Variants in KCNJ6 observed in about 807,000 individuals in gnomAD.
KCNJ6 encodes potassium inwardly rectifying channel subfamily J member 6, also known as G protein-activated inward rectifier potassium channel 2.
A neutral mutation model predicts 34.2 loss-of-function variants in KCNJ6; 9 were observed. The ratio of observed to expected loss-of-function variants is 0.26; its 90% CI spans 0.16 to 0.46. The LOEUF is 0.46. KCNJ6 is among the 20% of genes least tolerant of loss of function. The pLI, the probability that KCNJ6 is intolerant of heterozygous loss-of-function variation, is 1.00. For missense variants in KCNJ6, 236 were observed against 531.3 expected (o/e 0.44, Z 5.46); for synonymous variants, 196 against 207.1 (o/e 0.95, Z 0.46).
rs547944719 is a variant in KCNJ6 at position 37,612,396 on chromosome 21, G to A, written c.*12763C>T. The A allele has an allele frequency of 5.9e-5, 9 of 152,242 alleles. No homozygotes were observed. In the East Asian group the frequency reaches 1.7e-3, roughly 29 times the overall value. 9.4% of individuals were successfully genotyped at this position (152,242 alleles called of 1,614,324 possible). ...TACAGAGATATTCCATTTCATGGAG[G>A]GACTCAATATTGTCAAGATGTCACT... On this transcript the variant is annotated 3_prime_UTR_variant, in exon 4 of 4. Coordinates refer to ENST00000609713, the MANE Select transcript of KCNJ6 (RefSeq NM_002240.5).
At chr21:37,659,529 G>A (rs1014572797) in intron 3 of KCNJ6, among the ~76,000 whole-genome samples, 7 of 152,324 alleles carry the variant, frequency 4.6e-5, no homozygotes, top group African/African-American at 9.6e-5. Context: ...AAAGAAGAGC[G>A]GAAAACTAAA....
intron 3 of KCNJ6, among the ~76,000 whole-genome samples, chr21:37,679,537 C>T (rs565836439): frequency 6.6e-6 from 1 of 152,196 alleles, no homozygotes; most frequent in African/African-American, 2.4e-5. Context: ...TTAGTTATAA[C>T]TACTGTTATT....
intron 2 of KCNJ6, among the ~76,000 whole-genome samples, chr21:37,795,774 G>T (rs904730935): frequency 1.3e-5 from 2 of 150,576 alleles, no homozygotes; most frequent in South Asian, 4.2e-4. Flanking sequence ...CACATAGAAT[G>T]CAACCACATT....
rs1453653635 is a variant in KCNJ6 at position 37,675,355 on chromosome 21, C to T, written c.946+38856G>A. ...ATTTTTCCGCGAGTGGCTGCATTGG[C>T]TTTAAGAAACTGCGCCGGGCTGGGC... On this transcript the variant is annotated intron_variant, in intron 3 of 3. Coordinates refer to ENST00000609713, the MANE Select transcript of KCNJ6 (RefSeq NM_002240.5). The surrounding 1 kb of genome is among the most constrained non-coding windows in gnomAD (Gnocchi z 4.2). Among the ~76,000 whole-genome samples, 4 of 152,246 alleles carry T rather than the reference C, an allele frequency of 2.6e-5. No homozygotes were observed. Among genetic ancestry groups the T allele is most frequent in the African/African-American group, 9.6e-5 (4 of 41,466 alleles).
At chr21:37,914,669 G>T (rs1340211042) in intron 1 of KCNJ6, among the ~76,000 whole-genome samples, 2 of 152,210 alleles carry the variant, frequency 1.3e-5, no homozygotes, top group African/African-American at 4.8e-5. Flanking sequence ...CAAAATGGGC[G>T]AAGCTCAGTT....
chr21:37,775,298 G>T (rs1304422397), intron 2 of KCNJ6, among the ~76,000 whole-genome samples: 1 of 152,154 alleles, frequency 6.6e-6, no homozygotes, highest in African/African-American at 2.4e-5. Context: ...CATTCTGTAG[G>T]TTGCCTATTC....
chr21:37,683,156 A>G (rs1329120315), intron 3 of KCNJ6, among the ~76,000 whole-genome samples: 1 of 152,222 alleles, frequency 6.6e-6, no homozygotes, highest in East Asian at 1.9e-4. Flanking sequence ...TTCTTCAGCT[A>G]TGTATTCCCA....
intron 1 of KCNJ6, among the ~76,000 whole-genome samples, chr21:37,854,368 A>G (rs1456590451): frequency 6.6e-6 from 1 of 152,198 alleles, no homozygotes; most frequent in Non-Finnish European, 1.5e-5. Flanking sequence ...TAAATAATGG[A>G]GAATATTACG....
At chr21:37,807,888 A>C (rs2123538723) in intron 2 of KCNJ6, among the ~76,000 whole-genome samples, 1 of 152,258 alleles carries the variant, frequency 6.6e-6, no homozygotes, top group African/African-American at 2.4e-5. Context: ...AGTAGCCTGC[A>C]CCTCCATGTA....
intron 3 of KCNJ6, among the ~76,000 whole-genome samples, chr21:37,637,385 G>A (rs1054201851): frequency 3.7e-4 from 57 of 152,202 alleles, no homozygotes; most frequent in African/African-American, 1.3e-3. Flanking sequence ...AAAAACAAAT[G>A]GAAGTGTGGA....
intron 2 of KCNJ6, among the ~76,000 whole-genome samples, chr21:37,834,955 C>T (rs2123571949): frequency 6.6e-6 from 1 of 152,344 alleles, no homozygotes; most frequent in East Asian, 1.9e-4. Context: ...TACCTCTTCT[C>T]TGCTCCATGT....
In KCNJ6 at chr21:37,761,445, TTG is replaced by T. The variant is rs562538574; in HGVS notation, c.26-46316_26-46315del. Among the ~76,000 whole-genome samples, 509 of 150,718 alleles carry T rather than the reference TTG, an allele frequency of 3.4e-3. 5 individuals are homozygous for T. Among genetic ancestry groups the T allele is most frequent in the African/African-American group, 0.011 (448 of 41,012 alleles). On this transcript the variant is annotated intron_variant, in intron 2 of 3. Transcript: ENST00000609713. The stretch of plus-strand genomic sequence containing the variant: ...TGTGTGTTGTGTTGTGTGTGTATAT[TTG>T]TGTGTGTTGTGTGTATGTAGTTTGT...
chr21:37,703,052 GAA>G (rs980330122), intron 3 of KCNJ6, among the ~76,000 whole-genome samples: 2 of 152,178 alleles, frequency 1.3e-5, no homozygotes, highest in Admixed American at 1.3e-4. Context: ...AGTCCTGAGA[GAA>G]AGAGAGCTGA....
chr21:37,644,226 G>A (rs984335890), intron 3 of KCNJ6, among the ~76,000 whole-genome samples: 2 of 152,142 alleles, frequency 1.3e-5, no homozygotes, highest in Non-Finnish European at 2.9e-5. Context: ...GCCTGGTGGA[G>A]GGCAGAGGGT....
intron 3 of KCNJ6, among the ~76,000 whole-genome samples, chr21:37,702,275 A>G (rs896163005): frequency 1.3e-5 from 2 of 148,982 alleles, no homozygotes; most frequent in South Asian, 2.1e-4. Context: ...TTCTGTGCCA[A>G]GTGAACTTTG....
rs1298032326 is a variant in KCNJ6, at chr21:37,713,807, G to A, written c.946+404C>T. Among the ~76,000 whole-genome samples the A allele has an allele frequency of 2.0e-5, 3 of 152,118 alleles. No homozygotes were observed. In the East Asian group the frequency reaches 5.8e-4, roughly 29 times the overall value. On this transcript the variant is annotated intron_variant, in intron 3 of 3. Transcript: ENST00000609713. ...GTGAAATTGCATTTTTATTAAAGCA[G>A]TTTGTCAGGCTTCCTTTGAAAGGCT... is the stretch of plus-strand genomic sequence containing the variant.
intron 2 of KCNJ6, among the ~76,000 whole-genome samples, chr21:37,822,389 C>A (rs111587115): frequency 0.024 from 3,608 of 152,192 alleles, 142 homozygotes; most frequent in African/African-American, 0.082. Flanking sequence ...TGCCTGGTTC[C>A]ATTTTTTCCC....
At chr21:37,844,186 G>A (rs570400703) in intron 1 of KCNJ6, among the ~76,000 whole-genome samples, 93 of 151,830 alleles carry the variant, frequency 6.1e-4, no homozygotes, top group Admixed American at 3.5e-3. Flanking sequence ...AGCCTCCCAA[G>A]CAGCTGGGAT....
At chr21:37,788,921 T>A (rs2055204371) in intron 2 of KCNJ6, among the ~76,000 whole-genome samples, 1 of 152,258 alleles carries the variant, frequency 6.6e-6, no homozygotes. Flanking sequence ...AGTGGTTTTC[T>A]GTTCTCTATC....
Sources: gnomAD v4.1 joint callset for allele counts (sites outside exome capture counted in the v4.1 genomes callset) on GRCh38, gnomAD v4.1.1 for gene constraint, Gnocchi (gnomAD v3.1) non-coding constraint, MANE v1.5 for transcripts, NCBI Gene and HGNC (gene_info 2026-07-23, HGNC 2026-07-21) for gene names.